NFIA: variants seen among roughly 807,000 people sequenced by gnomAD.
The protein encoded by NFIA is nuclear factor 1 A-type.
A neutral mutation model predicts 62.8 loss-of-function variants in NFIA; 8 were observed. That is an observed-to-expected ratio of 0.13 (90% CI 0.07 to 0.23). The LOEUF (loss-of-function observed/expected upper bound fraction) is 0.23, where lower values mean the gene tolerates loss of function less well. NFIA is among the 10% of genes least tolerant of loss of function. The probability of loss-of-function intolerance (pLI) is 1.00; values close to 1 mark genes in which losing one functional copy is unlikely to be tolerated. For missense variants in NFIA, 410 were observed against 642.1 expected (o/e 0.64, Z 3.91); for synonymous variants, 235 against 238.1 (o/e 0.99, Z 0.12).
chr1:61,434,955 A>G (rs891815868), intron 10 of NFIA, among the ~76,000 whole-genome samples: 7 of 152,192 alleles, frequency 4.6e-5, no homozygotes, highest in Non-Finnish European at 2.9e-5. Flanking sequence ...AGGGTTGGAA[A>G]AAGGAGTTGT....
chr1:61,261,464 A>T (rs984389737), intron 2 of NFIA, among the ~76,000 whole-genome samples: 3 of 152,202 alleles, frequency 2.0e-5, no homozygotes. Flanking sequence ...GGATAACGTT[A>T]AGTGTTCTGA....
intron 3 of NFIA, among the ~76,000 whole-genome samples, chr1:61,320,139 G>T (rs1373742390): frequency 6.6e-6 from 1 of 151,176 alleles, no homozygotes; most frequent in Non-Finnish European, 1.5e-5. Context: ...GAAAAATCCA[G>T]CCTAGAATTG....
chr1:61,110,203 TTTGGCTAAATGGCCATTTC>T (rs1646671828), intron 2 of NFIA, among the ~76,000 whole-genome samples: 1 of 151,974 alleles, frequency 6.6e-6, no homozygotes, highest in Non-Finnish European at 1.5e-5. Context: ...AGGTATGCAA[TTTGGCTAAATGGCCATTTC>T]CAAACCATAG....
At chr1:61,288,495 AG>A (rs1658652231) in intron 3 of NFIA, among the ~76,000 whole-genome samples, 1 of 152,210 alleles carries the variant, frequency 6.6e-6, no homozygotes, top group Non-Finnish European at 1.5e-5. Context: ...TTTTGGAAAT[AG>A]GGTTAAACTC....
chr1:61,270,035 A>G (rs1473849625), intron 2 of NFIA, among the ~76,000 whole-genome samples: 1 of 152,208 alleles, frequency 6.6e-6, no homozygotes, highest in Non-Finnish European at 1.5e-5. Flanking sequence ...TTCCCAGTAT[A>G]TGAGAATTAA....
At chr1:61,345,880 C>A (rs1662203259) in intron 4 of NFIA, among the ~76,000 whole-genome samples, 1 of 152,118 alleles carries the variant, frequency 6.6e-6, no homozygotes, top group South Asian at 2.1e-4. Flanking sequence ...ACCCTTAGCC[C>A]AACTTCTGGT....
In NFIA at chr1:61,457,570, A is replaced by T. The variant is rs528418620; in HGVS notation, c.*2250A>T. The T allele has an allele frequency of 2.6e-5, 4 of 152,324 alleles. No homozygotes were observed. The highest frequency in any genetic ancestry group is 9.6e-5 in the African/African-American group (4 of 41,578). 9.4% of individuals were successfully genotyped at this position (152,324 alleles called of 1,614,324 possible). A position where few individuals can be genotyped will look rare whatever the true frequency, so the allele number is the denominator to read the frequency against. On this transcript the variant is annotated 3_prime_UTR_variant, in exon 11 of 11. Transcript: ENST00000403491. The surrounding 1 kb of genome is among the most constrained non-coding windows in gnomAD (Gnocchi z 4.2). The stretch of plus-strand genomic sequence containing the variant: ...TCTTCCTTTATTTTCCCCCAGATAT[A>T]TGAAAATATGCAATACCTGCTTATA...
intron 2 of NFIA, among the ~76,000 whole-genome samples, chr1:61,265,376 A>C (rs1428984456): frequency 6.6e-6 from 1 of 152,238 alleles, no homozygotes; most frequent in African/African-American, 2.4e-5. Context: ...AAGTGAAATG[A>C]TTCACTTACA....
Position 61,136,157 on chromosome 1 carries a change from ATGT to A in NFIA, c.559+47481_559+47483del, listed in dbSNP as rs563693487. On this transcript the variant is annotated intron_variant, in intron 2 of 10. Transcript: ENST00000403491. Reference sequence around the variant, plus strand: ...AGGCTAGGTTAAGTTATGTTAAAACATGTTGTACTGAGGTTGGATTCACCGTGT... The same window carrying A: ...AGGCTAGGTTAAGTTATGTTAAAACATGTACTGAGGTTGGATTCACCGTGT... Among the ~76,000 whole-genome samples, 370 of 152,326 alleles carry A rather than the reference ATGT, an allele frequency of 2.4e-3. 1 individual carries two copies. The highest frequency in any genetic ancestry group is 8.5e-3 in the African/African-American group (353 of 41,568).
chr1:61,227,622 A>G (rs1346459273), intron 2 of NFIA, among the ~76,000 whole-genome samples: 1 of 152,050 alleles, frequency 6.6e-6, no homozygotes, highest in Non-Finnish European at 1.5e-5. Flanking sequence ...TGCCCCCACT[A>G]CTTCTCTAAC....
In NFIA at chr1:61,131,158, CT is replaced by C. The variant is rs200958600; in HGVS notation, c.559+42494del. Among the ~76,000 whole-genome samples the C allele has an allele frequency of 0.016, 2,128 of 136,316 alleles. 90 individuals carry two copies. The East Asian group carries it at 0.19, about 12-fold the overall frequency. The allele number at this position is 136,316 out of a possible 152,430, so 89.4% of individuals were successfully genotyped here. A position where few individuals can be genotyped will look rare whatever the true frequency, so the allele number is the denominator to read the frequency against. On this transcript the variant is annotated intron_variant, in intron 2 of 10. Transcript: ENST00000403491. Reference sequence around the variant, plus strand: ...ATTTCTTTTAAAAAAAATAGTATGACTTTTTTTTTTTTTTTTGCTAAATCTT... The same window carrying C: ...ATTTCTTTTAAAAAAAATAGTATGACTTTTTTTTTTTTTTTGCTAAATCTT...
At chr1:61,450,256 A>C (rs1357208262) in intron 10 of NFIA, among the ~76,000 whole-genome samples, 2 of 152,278 alleles carry the variant, frequency 1.3e-5, no homozygotes, top group African/African-American at 4.8e-5. Flanking sequence ...AATGCTCCCA[A>C]ATGGTTTATG....
chr1:61,280,451 G>GTGTA (rs5774551), intron 3 of NFIA, among the ~76,000 whole-genome samples: 1 of 151,592 alleles, frequency 6.6e-6, no homozygotes, highest in Non-Finnish European at 1.5e-5. Flanking sequence ...GTATGTGTGT[G>GTGTA]TATATATATA....
intron 2 of NFIA, among the ~76,000 whole-genome samples, chr1:61,112,996 C>T (rs946045315): frequency 6.6e-6 from 1 of 151,754 alleles, no homozygotes; most frequent in African/African-American, 2.4e-5. Flanking sequence ...TTTCATTAGC[C>T]CTAAAAATGT....
At chr1:61,211,551 A>C (rs1249167131) in intron 2 of NFIA, among the ~76,000 whole-genome samples, 2 of 152,226 alleles carry the variant, frequency 1.3e-5, no homozygotes, top group African/African-American at 4.8e-5. Flanking sequence ...ATAGATGAAG[A>C]AAGTCAATTT....
At chr1:61,128,181 C>T (rs1647008813) in intron 2 of NFIA, among the ~76,000 whole-genome samples, 1 of 152,060 alleles carries the variant, frequency 6.6e-6, no homozygotes, top group Non-Finnish European at 1.5e-5. Context: ...AACTCCTGGC[C>T]TCAAGGATGT....
chr1:61,200,126 G>A (rs778742996), intron 2 of NFIA, among the ~76,000 whole-genome samples: 17 of 144,064 alleles, frequency 1.2e-4, no homozygotes, highest in Admixed American at 7.1e-5. Flanking sequence ...ACCATTTGCA[G>A]TGATGACAAA....
intron 4 of NFIA, 111 bp downstream of exon 4, chr1:61,332,697 C>A: frequency 1.3e-6 from 1 of 763,926 alleles, no homozygotes; most frequent in Admixed American, 2.7e-5. Flanking sequence ...TTTTCATTCA[C>A]CCATTGGAAG....
At chr1:61,145,155 T>G (rs903051396) in intron 2 of NFIA, among the ~76,000 whole-genome samples, 1 of 152,188 alleles carries the variant, frequency 6.6e-6, no homozygotes, top group African/African-American at 2.4e-5. Flanking sequence ...CCTCCACCTA[T>G]TTTGTGCCAT....
Sources: gnomAD v4.1 joint callset for allele counts (sites outside exome capture counted in the v4.1 genomes callset) on GRCh38, gnomAD v4.1.1 for gene constraint, Gnocchi (gnomAD v3.1) non-coding constraint, MANE v1.5 for transcripts, NCBI Gene and HGNC (gene_info 2026-07-23, HGNC 2026-07-21) for gene names.